Variants in SOX6 observed in about 807,000 individuals in gnomAD.
SOX6 encodes the protein SRY-box transcription factor 6, also known as transcription factor SOX-6.
Under a neutral mutation model 97.8 loss-of-function variants are expected in SOX6, and 11 were observed. The observed-to-expected ratio is 0.11, with a 90% confidence interval of 0.07 to 0.19. SOX6 has a LOEUF of 0.19. SOX6 is among the 10% of genes least tolerant of loss of function. SOX6 has a pLI of 1.00. For missense variants in SOX6, 810 were observed against 1,039.5 expected (o/e 0.78, Z 3.04); for synonymous variants, 360 against 371.4 (o/e 0.97, Z 0.35).
At chr11:16,655,439 G>T (rs555580272) in intron 3 of SOX6, among the ~76,000 whole-genome samples, 1 of 152,290 alleles carries the variant, frequency 6.6e-6, no homozygotes, top group African/African-American at 2.4e-5. Context: ...CACGAAAGGT[G>T]ACATAAAGGG....
chr11:16,736,669 C>A (rs1367673133), intron 1 of SOX6, among the ~76,000 whole-genome samples: 1 of 152,144 alleles, frequency 6.6e-6, no homozygotes, highest in Non-Finnish European at 1.5e-5. Flanking sequence ...TCTAAATCAC[C>A]ATTTGTCAAA....
chr11:16,682,641 G>A (rs1847936882), intron 3 of SOX6, among the ~76,000 whole-genome samples: 1 of 152,140 alleles, frequency 6.6e-6, no homozygotes. Context: ...ATACTGAATG[G>A]GCAAAAACTG....
chr11:16,260,735 AG>A (rs1333984090), intron 3 of SOX6, among the ~76,000 whole-genome samples: 1 of 152,198 alleles, frequency 6.6e-6, no homozygotes, highest in African/African-American at 2.4e-5. Context: ...AAAGGTACAA[AG>A]TTTCTCCAAC....
chr11:16,065,032 G>GA (rs1178330097), intron 9 of SOX6, among the ~76,000 whole-genome samples: 2 of 151,582 alleles, frequency 1.3e-5, no homozygotes, highest in African/African-American at 4.8e-5. Context: ...TCAGACAAGA[G>GA]AAAAAAACAA....
At chr11:16,225,926 C>A (rs1477570434) in intron 4 of SOX6, among the ~76,000 whole-genome samples, 1 of 152,162 alleles carries the variant, frequency 6.6e-6, no homozygotes, top group Admixed American at 6.6e-5. Flanking sequence ...TTGATGTATG[C>A]AGTTCCTAAT....
intron 1 of SOX6, among the ~76,000 whole-genome samples, chr11:16,410,480 G>A (rs1858782007): frequency 6.6e-6 from 1 of 152,144 alleles, no homozygotes; most frequent in African/African-American, 2.4e-5. Context: ...CAAGGGGCCA[G>A]GCATGATGGC....
intron 12 of SOX6, among the ~76,000 whole-genome samples, chr11:16,035,592 T>C (rs1855498451): frequency 6.6e-6 from 1 of 152,148 alleles, no homozygotes; most frequent in East Asian, 1.9e-4. Context: ...TTTTTAAAAA[T>C]TGATCTTTAG....
chr11:16,520,348 T>G (rs1027560950), intron 4 of SOX6, among the ~76,000 whole-genome samples: 3 of 152,242 alleles, frequency 2.0e-5, no homozygotes, highest in African/African-American at 7.2e-5. Context: ...AGTTAAGTCT[T>G]TAATCCATTT....
Position 15,989,029 on chromosome 11 carries a change from T to C in SOX6, c.1934A>G (p.Asp645Gly). 6.2e-7 allele frequency: 1 copy of C among 1,614,222 alleles called. No homozygotes were observed. The highest frequency in any genetic ancestry group is 8.5e-7 in the Non-Finnish European group (1 of 1,180,020). Residue 645 changes from aspartate (D) to glycine (G), a missense_variant, in exon 14 of 16, where the codon GAC becomes GGC. By Grantham distance (94) the Asp-to-Gly change is moderately conservative. Coordinates refer to ENST00000683767, the MANE Select transcript of SOX6 (RefSeq NM_001367873.1). Reference protein sequence around the residue: ...ERRKILQAFPDMHNSNISKIL... With the variant: ...ERRKILQAFPGMHNSNISKIL... ...TTTGCTAATGTTGGAGTTATGCATG[T>C]CGGGGAAGGCCTGAAGGATTTTTCT...
At chr11:16,107,381 G>C (rs922022311) in intron 7 of SOX6, among the ~76,000 whole-genome samples, 1 of 142,616 alleles carries the variant, frequency 7.0e-6, no homozygotes, top group Non-Finnish European at 1.5e-5. Context: ...AATGTGATCT[G>C]TATACATATA....
At chr11:16,572,099 T>C (rs769437958) in intron 4 of SOX6, among the ~76,000 whole-genome samples, 16 of 152,212 alleles carry the variant, frequency 1.1e-4, no homozygotes, top group Non-Finnish European at 2.1e-4. Flanking sequence ...ACTTACAGTG[T>C]CAGTATTATA....
At chr11:16,617,453 T>C (rs905299841) in intron 3 of SOX6, among the ~76,000 whole-genome samples, 2 of 151,902 alleles carry the variant, frequency 1.3e-5, no homozygotes, top group Non-Finnish European at 3.0e-5. Flanking sequence ...TAGTACTAAA[T>C]TGAATATTAA....
At chr11:16,217,753 T>C (rs1852416518) in intron 4 of SOX6, among the ~76,000 whole-genome samples, 1 of 152,218 alleles carries the variant, frequency 6.6e-6, no homozygotes, top group Non-Finnish European at 1.5e-5. Context: ...TCTATACTCC[T>C]GCCCTAATTC....
intron 2 of SOX6, among the ~76,000 whole-genome samples, chr11:16,330,046 T>G (rs1001744843): frequency 6.6e-6 from 1 of 152,214 alleles, no homozygotes; most frequent in Non-Finnish European, 1.5e-5. Flanking sequence ...GTCTGAACAT[T>G]CTTCTCTGAG....
intron 3 of SOX6, among the ~76,000 whole-genome samples, chr11:16,645,294 C>T (rs1462567559): frequency 2.0e-5 from 3 of 152,174 alleles, no homozygotes; most frequent in Admixed American, 6.5e-5. Context: ...TCTGCTTTAC[C>T]CGTTGTTTCA....
intron 1 of SOX6, among the ~76,000 whole-genome samples, chr11:16,389,919 G>A (rs948969856): frequency 1.6e-4 from 22 of 136,876 alleles, no homozygotes; most frequent in Middle Eastern, 4.5e-3. Flanking sequence ...GCAGTGAGCC[G>A]AGATGGCGCC....
intron 1 of SOX6, among the ~76,000 whole-genome samples, chr11:16,404,473 A>G (rs1035803074): frequency 2.0e-5 from 3 of 151,960 alleles, no homozygotes; most frequent in Non-Finnish European, 4.4e-5. Flanking sequence ...TTAACAACCA[A>G]TTAAGCACCT....
At chr11:16,726,653 T>C (rs1019474716) in intron 2 of SOX6, among the ~76,000 whole-genome samples, 1 of 152,212 alleles carries the variant, frequency 6.6e-6, no homozygotes, top group Non-Finnish European at 1.5e-5. Context: ...TAAATTATAT[T>C]ATCCTGGAAG....
chr11:16,571,494 G>C lies in SOX6; in HGVS notation n.609+40587C>G, dbSNP rs572754872. Among the ~76,000 whole-genome samples the C allele has an allele frequency of 5.3e-4, 80 of 152,120 alleles. 1 individual carries two copies. The highest frequency in any genetic ancestry group is 6.8e-3 in the Middle Eastern group (2 of 294). ...GAGTGCAGTGGCTATTTACATGTGC[G>C]ATCACAGCATACTACGACCTGGAAC... is the stretch of plus-strand genomic sequence containing the variant. On this transcript the variant is annotated intron_variant and non_coding_transcript_variant, in intron 4 of 5. Transcript: ENST00000524520.
Sources: allele counts gnomAD v4.1 joint callset (sites outside exome capture counted in the v4.1 genomes callset), GRCh38; gene constraint gnomAD v4.1.1; transcripts MANE v1.5; gene names NCBI Gene and HGNC (gene_info 2026-07-23, HGNC 2026-07-21).